RYR2: variants seen among roughly 807,000 people sequenced by gnomAD.
RYR2 encodes the protein ryanodine receptor 2.
In RYR2, 227 loss-of-function variants were observed where a neutral mutation model predicts 601.1. The observed-to-expected ratio is 0.38, with a 90% CI of 0.34 to 0.42. The LOEUF (loss-of-function observed/expected upper bound fraction) is 0.42, where lower values mean the gene tolerates loss of function less well. Ranked by LOEUF, RYR2 falls within the 10% of genes least tolerant of loss-of-function variation. The probability of loss-of-function intolerance (pLI) is 1.00; values close to 1 mark genes in which losing one functional copy is unlikely to be tolerated. For missense variants in RYR2, 4,646 were observed against 6,156.5 expected (o/e 0.75, Z 8.21); for synonymous variants, 2,223 against 2,175.1 (o/e 1.02, Z -0.61).
chr1:237,333,635 A>G (rs781612720), intron 3 of RYR2: 3 of 455,932 alleles, frequency 6.6e-6, no homozygotes, highest in Non-Finnish European at 1.3e-5. Flanking sequence ...ATGTCTGATG[A>G]TATGTGACTC....
At chr1:237,770,121 C>T (rs1363285342) in intron 84 of RYR2, among the ~76,000 whole-genome samples, 2 of 152,142 alleles carry the variant, frequency 1.3e-5, no homozygotes, top group East Asian at 1.9e-4. Flanking sequence ...TCTCACAACA[C>T]GAGCCACCAA....
At chr1:237,364,441 G>GCAGATACATACATA in intron 5 of RYR2, 69 bp downstream of exon 5, 1 of 797,378 alleles carries the variant, frequency 1.3e-6, no homozygotes, top group Non-Finnish European at 1.9e-6. Flanking sequence ...GATTATATAT[G>GCAGATACATACATA]TATGTATCTG....
intron 3 of RYR2, among the ~76,000 whole-genome samples, chr1:237,346,047 A>G (rs1698278420): frequency 1.3e-5 from 2 of 152,064 alleles, no homozygotes. Flanking sequence ...TACTTAGAGA[A>G]AGGAGATATT....
chr1:237,414,217 A>G (rs1050408505), intron 10 of RYR2, among the ~76,000 whole-genome samples: 26 of 126,414 alleles, frequency 2.1e-4, no homozygotes, highest in Admixed American at 7.0e-4. Context: ...CACAATGTCT[A>G]TATTTTGTCA....
At chr1:237,636,213 T>G (rs1048648723) in intron 44 of RYR2, among the ~76,000 whole-genome samples, 1 of 152,190 alleles carries the variant, frequency 6.6e-6, no homozygotes, top group East Asian at 1.9e-4. Context: ...CTCTATGTAG[T>G]TATGTATTTT....
intron 1 of RYR2, among the ~76,000 whole-genome samples, chr1:237,059,431 C>T (rs746524773): frequency 6.6e-6 from 1 of 152,012 alleles, no homozygotes; most frequent in Admixed American, 6.6e-5. Flanking sequence ...CACCAGGAGT[C>T]GAGAACTCTG....
chr1:237,686,553 A>G (rs1252191418), intron 62 of RYR2, among the ~76,000 whole-genome samples: 1 of 152,168 alleles, frequency 6.6e-6, no homozygotes, highest in African/African-American at 2.4e-5. Flanking sequence ...TAGCATGGAA[A>G]TGAGTGAAGG....
At chr1:237,094,524 C>G (rs12131634) in intron 1 of RYR2, among the ~76,000 whole-genome samples, 1 of 152,108 alleles carries the variant, frequency 6.6e-6, no homozygotes, top group Non-Finnish European at 1.5e-5. Flanking sequence ...TAATTTTTAT[C>G]AAACTCTTCA....
intron 2 of RYR2, among the ~76,000 whole-genome samples, chr1:237,296,395 T>C (rs2149438487): frequency 6.6e-6 from 1 of 152,286 alleles, no homozygotes; most frequent in South Asian, 2.1e-4. Flanking sequence ...GACAAGAGAA[T>C]GAAGTAACTC....
intron 1 of RYR2, among the ~76,000 whole-genome samples, chr1:237,085,205 T>C (rs992055085): frequency 5.9e-5 from 9 of 152,214 alleles, no homozygotes; most frequent in African/African-American, 2.2e-4. Flanking sequence ...TCCAGGGATA[T>C]TAGGGTAGTG....
Position 237,731,891 on chromosome 1 carries a change from T to TACACACAC in RYR2, c.10936-134_10936-127dup, listed in dbSNP as rs71561898. ...TATAGCATGTATAATGCATATAAAA[T>TACACACAC]ACACACACACACACACACACACACA... On this transcript the variant is annotated intron_variant, in intron 77 of 104. Transcript: ENST00000366574. 0.14 allele frequency among the ~76,000 whole-genome samples: 20,051 copies of TACACACAC among 147,062 alleles called. 1,404 individuals are homozygous for TACACACAC. Among genetic ancestry groups the TACACACAC allele is most frequent in the African/African-American group, 0.18 (7,363 of 40,000 alleles).
At position 237,610,753 on chromosome 1, in the gene RYR2, A is replaced by G. The variant is rs1677752759; in HGVS notation, c.4684-9A>G. On this transcript the variant is annotated splice_polypyrimidine_tract_variant and intron_variant, in intron 35 of 104. Transcript: ENST00000366574. The surrounding 1 kb of genome is among the most constrained non-coding windows in gnomAD (Gnocchi z 4.9). Reference sequence around the variant, plus strand: ...ACATTTATTCTTTTTCTGCCTCCCCATCCGCTAGAATGTGATGCCTCTCTC... The same window carrying G: ...ACATTTATTCTTTTTCTGCCTCCCCGTCCGCTAGAATGTGATGCCTCTCTC... The G allele has an allele frequency of 1.3e-6, 2 of 1,585,750 alleles. No homozygotes were observed. The highest frequency in any genetic ancestry group is 1.7e-6 in the Non-Finnish European group (2 of 1,165,090).
intron 50 of RYR2, 106 bp downstream of exon 50, chr1:237,650,203 A>T (rs1456327005): frequency 7.5e-6 from 8 of 1,072,420 alleles, no homozygotes; most frequent in Non-Finnish European, 1.1e-5. Context: ...TCCATACCAC[A>T]AATTTAATTC....
chr1:237,142,460 G>C (rs1444819847), intron 1 of RYR2, among the ~76,000 whole-genome samples: 1 of 152,182 alleles, frequency 6.6e-6, no homozygotes, highest in African/African-American at 2.4e-5. Context: ...CACTTCTGGG[G>C]CTTGGGTCCC....
intron 11 of RYR2, among the ~76,000 whole-genome samples, chr1:237,419,904 A>G (rs751902978): frequency 3.9e-5 from 6 of 152,128 alleles, no homozygotes; most frequent in Non-Finnish European, 8.8e-5. Flanking sequence ...TGGCCACATA[A>G]TTACTAATTT....
chr1:237,598,740 A>G (rs1242069765), intron 34 of RYR2, among the ~76,000 whole-genome samples: 2 of 152,202 alleles, frequency 1.3e-5, no homozygotes, highest in African/African-American at 4.8e-5. Context: ...TTGCACCTCC[A>G]AAAACCACAA....
At chr1:237,065,156 C>A (rs9428655) in intron 1 of RYR2, among the ~76,000 whole-genome samples, 2 of 151,276 alleles carry the variant, frequency 1.3e-5, no homozygotes, top group Non-Finnish European at 2.9e-5. Context: ...GTTAGCATTG[C>A]TATAAAGCGT....
chr1:237,499,551 A>G (rs1427471336), intron 20 of RYR2, among the ~76,000 whole-genome samples: 1 of 152,154 alleles, frequency 6.6e-6, no homozygotes, highest in Non-Finnish European at 1.5e-5. Flanking sequence ...CTTTTTCTGC[A>G]TTGCTTTTAT....
intron 12 of RYR2, among the ~76,000 whole-genome samples, chr1:237,429,105 G>A (rs1404958127): frequency 3.3e-5 from 5 of 152,160 alleles, no homozygotes; most frequent in Non-Finnish European, 7.3e-5. Flanking sequence ...CAGAGCTTGG[G>A]AGGGTGTTCA....
Sources: allele counts gnomAD v4.1 joint callset (sites outside exome capture counted in the v4.1 genomes callset), GRCh38; gene constraint gnomAD v4.1.1; non-coding constraint Gnocchi (gnomAD v3.1); transcripts MANE v1.5; gene names NCBI Gene and HGNC (gene_info 2026-07-23, HGNC 2026-07-21).